The following ASCC3 variants were observed in gnomAD, a reference collection of about 807,000 sequenced individuals.
The protein encoded by ASCC3 is activating signal cointegrator 1 complex subunit 3.
ASCC3 carries 158 observed loss-of-function variants against 256.3 expected under a neutral mutation model. The observed-to-expected ratio is 0.62, with a 90% CI of 0.54 to 0.70. The LOEUF is 0.70. Ranked by LOEUF, ASCC3 falls within the 30% of genes least tolerant of loss-of-function variation. ASCC3 has a pLI of 0.00. For missense variants in ASCC3, 2,259 were observed against 2,626.0 expected, an observed-to-expected ratio of 0.86 and a Z score of 3.05; for synonymous variants, 948 against 883.4, an observed-to-expected ratio of 1.07 and a Z score of -1.30.
chr6:100,828,987 G>C (rs905805494), intron 4 of ASCC3, among the ~76,000 whole-genome samples: 1 of 152,086 alleles, frequency 6.6e-6, no homozygotes, highest in Non-Finnish European at 1.5e-5. Context: ...TACAATCCCT[G>C]AGCTAGACAC....
chr6:100,723,621 A>C (rs1779448516), intron 11 of ASCC3, among the ~76,000 whole-genome samples: 1 of 151,220 alleles, frequency 6.6e-6, no homozygotes, highest in African/African-American at 2.4e-5. Context: ...TTTAGAAAAA[A>C]ATATAAAGAA....
chr6:100,827,114 A>G (rs964707878), intron 4 of ASCC3, among the ~76,000 whole-genome samples: 6 of 152,234 alleles, frequency 3.9e-5, no homozygotes, highest in Non-Finnish European at 7.3e-5. Flanking sequence ...GAATATGTTT[A>G]TATCACACCA....
intron 2 of ASCC3, among the ~76,000 whole-genome samples, chr6:100,865,903 C>A (rs551877441): frequency 6.6e-6 from 1 of 151,944 alleles, no homozygotes; most frequent in African/African-American, 2.4e-5. Context: ...TTATATGAAA[C>A]CTGTTATTAT....
chr6:100,828,347 G>A (rs1400630301), intron 4 of ASCC3, among the ~76,000 whole-genome samples: 2 of 152,132 alleles, frequency 1.3e-5, no homozygotes, highest in East Asian at 3.9e-4. Flanking sequence ...GGTATCTATT[G>A]TAGTAGTTCC....
rs1395549416 is a variant in ASCC3 at position 100,608,234 on chromosome 6, TTATACTTTATATA to T, written c.4786-1159_4786-1147del. Among the ~76,000 whole-genome samples the T allele has an allele frequency of 1.6e-4, 5 of 32,102 alleles. 2 individuals are homozygous for T. 21.1% of individuals were successfully genotyped at this position (32,102 alleles called of 152,430 possible). ...ACTTTATATATATACTTTATATACT[TTATACTTTATATA>T]TATACTTTATATATACTTTATATAT... On this transcript the variant is annotated intron_variant, in intron 30 of 41. Coordinates refer to ENST00000369162, the MANE Select transcript of ASCC3 (RefSeq NM_006828.4).
intron 37 of ASCC3, among the ~76,000 whole-genome samples, chr6:100,519,003 A>T (rs1188317183): frequency 6.6e-6 from 1 of 152,178 alleles, no homozygotes; most frequent in South Asian, 2.1e-4. Flanking sequence ...TTAATAGTAA[A>T]TATCTCAATG....
chr6:100,819,101 T>G, intron 4 of ASCC3, among the ~76,000 whole-genome samples: 1 of 142,504 alleles, frequency 7.0e-6, no homozygotes, highest in Admixed American at 7.3e-5. Flanking sequence ...CACTCACAGG[T>G]GGGAATTGAA....
At chr6:100,685,052 C>CAG (rs946758069) in intron 13 of ASCC3, among the ~76,000 whole-genome samples, 9 of 152,084 alleles carry the variant, frequency 5.9e-5, no homozygotes, top group African/African-American at 2.2e-4. Context: ...CGTGATCCGC[C>CAG]AGCCTCGGCC....
At chr6:100,779,592 C>T (rs965996781) in intron 8 of ASCC3, among the ~76,000 whole-genome samples, 3 of 152,032 alleles carry the variant, frequency 2.0e-5, no homozygotes, top group Non-Finnish European at 4.4e-5. Context: ...ATGAGTGAGC[C>T]ACCTTTTGCC....
intron 37 of ASCC3, among the ~76,000 whole-genome samples, chr6:100,539,945 C>G (rs1408574392): frequency 6.6e-6 from 1 of 152,072 alleles, no homozygotes; most frequent in African/African-American, 2.4e-5. Flanking sequence ...CGTAGTTTGC[C>G]TTCAATATGT....
At chr6:100,574,165 G>A (rs1770740917) in intron 36 of ASCC3, among the ~76,000 whole-genome samples, 1 of 151,904 alleles carries the variant, frequency 6.6e-6, no homozygotes, top group African/African-American at 2.4e-5. Context: ...CTGTTTCTTT[G>A]GTATTCCCCA....
chr6:100,861,285 T>C (rs1294720682), intron 3 of ASCC3, among the ~76,000 whole-genome samples: 4 of 152,096 alleles, frequency 2.6e-5, no homozygotes, highest in African/African-American at 9.7e-5. Flanking sequence ...ACATACAAAA[T>C]GAAGACATTA....
chr6:100,822,052 A>T (rs964130831), intron 4 of ASCC3, among the ~76,000 whole-genome samples: 1 of 152,102 alleles, frequency 6.6e-6, no homozygotes, highest in Non-Finnish European at 1.5e-5. Flanking sequence ...TAAAGGTCAA[A>T]GATTTCTTTT....
At chr6:100,602,168 G>A (rs1408048083) in intron 33 of ASCC3, among the ~76,000 whole-genome samples, 1 of 151,914 alleles carries the variant, frequency 6.6e-6, no homozygotes, top group Non-Finnish European at 1.5e-5. Flanking sequence ...AAATCACTTA[G>A]TATCATGAAC....
intron 8 of ASCC3, among the ~76,000 whole-genome samples, chr6:100,787,379 A>G (rs2114285998): frequency 6.6e-6 from 1 of 152,258 alleles, no homozygotes; most frequent in African/African-American, 2.4e-5. Context: ...CAAATTAATC[A>G]TGAAAAAAAT....
intron 34 of ASCC3, among the ~76,000 whole-genome samples, chr6:100,596,888 T>C (rs1772329702): frequency 6.6e-6 from 1 of 152,152 alleles, no homozygotes; most frequent in South Asian, 2.1e-4. Context: ...CCATGCCCTA[T>C]ATCACCACTG....
chr6:100,702,439 T>C (rs1387497033), intron 13 of ASCC3, among the ~76,000 whole-genome samples: 3 of 152,100 alleles, frequency 2.0e-5, no homozygotes, highest in African/African-American at 4.8e-5. Flanking sequence ...TCAGATACAC[T>C]GTATTTGAGA....
chr6:100,818,185 G>GA (rs1046456191), intron 4 of ASCC3, among the ~76,000 whole-genome samples: 1 of 152,020 alleles, frequency 6.6e-6, no homozygotes, highest in Admixed American at 6.6e-5. Flanking sequence ...AAAAGAACTG[G>GA]AAAAAATCCA....
chr6:100,858,815 G>T, intron 3 of ASCC3: 1 of 649,774 alleles, frequency 1.5e-6, no homozygotes, highest in Non-Finnish European at 2.2e-6. Flanking sequence ...ACCTAATGAT[G>T]TCCAGCCCAT....
Sources: gnomAD v4.1 joint callset for allele counts (sites outside exome capture counted in the v4.1 genomes callset) on GRCh38, gnomAD v4.1.1 for gene constraint, MANE v1.5 for transcripts, NCBI Gene and HGNC (gene_info 2026-07-23, HGNC 2026-07-21) for gene names.